Variants in ASTN1 observed in about 807,000 individuals in gnomAD.
ASTN1 encodes the protein astrotactin 1.
ASTN1 carries 41 observed loss-of-function variants against 140.7 expected under a neutral mutation model. The observed-to-expected ratio is 0.29, with a 90% CI of 0.23 to 0.38. The LOEUF (loss-of-function observed/expected upper bound fraction) is 0.38, where lower values mean the gene tolerates loss of function less well. ASTN1 is among the 10% of genes least tolerant of loss of function. The pLI is 1.00. For synonymous variants in ASTN1, 640 were observed against 652.2 expected, an observed-to-expected ratio of 0.98 and a Z score of 0.29; for missense variants, 1,479 against 1,678.8, an observed-to-expected ratio of 0.88 and a Z score of 2.08.
At chr1:177,036,224 A>G (rs1676713636) in intron 2 of ASTN1, among the ~76,000 whole-genome samples, 2 of 151,268 alleles carry the variant, frequency 1.3e-5, no homozygotes, top group African/African-American at 2.4e-5. Flanking sequence ...CTAATTTTGT[A>G]TTTTTAGTAG....
Position 176,864,490 on chromosome 1 carries a change from C to A in ASTN1, c.3679G>T (p.Asp1227Tyr), listed in dbSNP as rs1668068290. 1 of 1,613,966 alleles carries A rather than the reference C, an allele frequency of 6.2e-7. No homozygotes were observed. The highest frequency in any genetic ancestry group is 1.3e-5 in the African/African-American group (1 of 74,894). Residue 1227 changes from aspartate to tyrosine, a missense_variant, in exon 23 of 23, where the codon GAC becomes TAC. Transcript: ENST00000361833. ...KAGLILSQLG[D>Y]LSSWCNGLLQ... ...AGTCCATTGCACCAACTGCTGAGGTCCCCAAGCTGGGAAAGGATGAGACCA... is the reference window on the plus strand; with the variant it reads ...AGTCCATTGCACCAACTGCTGAGGTACCCAAGCTGGGAAAGGATGAGACCA...
At chr1:176,875,791 T>C (rs1388617647) in intron 21 of ASTN1, among the ~76,000 whole-genome samples, 1 of 152,174 alleles carries the variant, frequency 6.6e-6, no homozygotes, top group Non-Finnish European at 1.5e-5. Flanking sequence ...ACTACCACAT[T>C]AGTGGTTGAT....
chr1:176,950,704 C>T (rs765648136), intron 11 of ASTN1, among the ~76,000 whole-genome samples: 1 of 152,020 alleles, frequency 6.6e-6, no homozygotes, highest in Non-Finnish European at 1.5e-5. Context: ...ATAACTTGCA[C>T]AAGGTCAAGC....
chr1:177,136,496 G>A (rs1352128281), intron 1 of ASTN1, among the ~76,000 whole-genome samples: 1 of 151,918 alleles, frequency 6.6e-6, no homozygotes, highest in Non-Finnish European at 1.5e-5. Flanking sequence ...GGGAGTACAG[G>A]TGCACCCCAC....
rs1682900349 is a variant in ASTN1 at position 177,149,378 on chromosome 1, T to C, written c.283+15016A>G. Among the ~76,000 whole-genome samples, 3 of 76,922 alleles carry C rather than the reference T, an allele frequency of 3.9e-5. No homozygotes were observed. In the South Asian group the frequency reaches 1.2e-3, roughly 31 times the overall value. The allele number at this position is 76,922 out of a possible 152,430, so 50.5% of individuals were successfully genotyped here. A position where few individuals can be genotyped will look rare whatever the true frequency, so the allele number is the denominator to read the frequency against. The stretch of plus-strand genomic sequence containing the variant: ...ATAGTAAATATATATATAGTATATA[T>C]AGTAAATATATATAGTATATATATA... On this transcript the variant is annotated intron_variant, in intron 1 of 22. Transcript: ENST00000361833.
At chr1:177,153,819 G>A (rs1204183463) in intron 1 of ASTN1, among the ~76,000 whole-genome samples, 3 of 152,066 alleles carry the variant, frequency 2.0e-5, no homozygotes, top group Non-Finnish European at 2.9e-5. Context: ...CAGTCAAAGA[G>A]ATAACCTCCC....
Position 176,861,232 on chromosome 1 carries a change from T to C in ASTN1, c.*3052A>G, listed in dbSNP as rs1198523010. ...TTTTCTTCATACTCAGTTTTTTTAA[T>C]AGAACATTTGAATATCAAGAAGTGT... On this transcript the variant is annotated 3_prime_UTR_variant, in exon 23 of 23. Coordinates refer to ENST00000361833, the MANE Select transcript of ASTN1 (RefSeq NM_004319.3). 40 of 982,054 alleles carry C rather than the reference T, an allele frequency of 4.1e-5. No homozygotes were observed. Among genetic ancestry groups the C allele is most frequent in the Non-Finnish European group, 3.8e-5 (31 of 826,626 alleles). The allele number at this position is 982,054 out of a possible 1,614,324, so 60.8% of individuals were successfully genotyped here.
At chr1:177,031,254 T>C (rs556424476) in intron 3 of ASTN1, among the ~76,000 whole-genome samples, 1 of 152,332 alleles carries the variant, frequency 6.6e-6, no homozygotes, top group South Asian at 2.1e-4. Context: ...TTTGGCTAAA[T>C]ACAGACTGCA....
chr1:176,926,922 T>A (rs1031951315), intron 16 of ASTN1, among the ~76,000 whole-genome samples: 6 of 152,218 alleles, frequency 3.9e-5, no homozygotes, highest in Non-Finnish European at 8.8e-5. Flanking sequence ...AGAAGGCTGA[T>A]TGCTGATTCA....
intron 1 of ASTN1, among the ~76,000 whole-genome samples, chr1:177,162,347 T>C (rs558552660): frequency 1.3e-5 from 2 of 152,174 alleles, no homozygotes; most frequent in Non-Finnish European, 2.9e-5. Flanking sequence ...CCCCACTGAC[T>C]GGGAGAGTGG....
intron 14 of ASTN1, among the ~76,000 whole-genome samples, chr1:176,941,653 C>A (rs952055298): frequency 6.6e-6 from 1 of 152,170 alleles, no homozygotes; most frequent in Non-Finnish European, 1.5e-5. Flanking sequence ...TTTATCCACC[C>A]TCTCCTCCCC....
chr1:176,893,465 G>A (rs1272155730), intron 17 of ASTN1, among the ~76,000 whole-genome samples: 2 of 152,108 alleles, frequency 1.3e-5, no homozygotes, highest in Admixed American at 1.3e-4. Context: ...TGTAGGCCAC[G>A]AGAACAATTT....
At chr1:177,075,884 C>A (rs933389157) in intron 1 of ASTN1, among the ~76,000 whole-genome samples, 1 of 151,956 alleles carries the variant, frequency 6.6e-6, no homozygotes, top group African/African-American at 2.4e-5. Flanking sequence ...TCAAGTGATC[C>A]TCCTGCCTCA....
chr1:177,086,853 A>G (rs1176793762), intron 1 of ASTN1, among the ~76,000 whole-genome samples: 1 of 152,166 alleles, frequency 6.6e-6, no homozygotes, highest in African/African-American at 2.4e-5. Flanking sequence ...TGAAGAGGAA[A>G]TAATAGTTTT....
At chr1:176,920,939 A>ACAGCAATATGTCAACAATAAAG (rs1265127470) in intron 16 of ASTN1, among the ~76,000 whole-genome samples, 10 of 152,224 alleles carry the variant, frequency 6.6e-5, no homozygotes, top group Admixed American at 6.5e-4. Flanking sequence ...GACTCTGCAG[A>ACAGCAATATGTCAACAATAAAG]CAGCAATATG....
chr1:176,888,277 T>C, intron 17 of ASTN1, 73 bp from the exon 18 acceptor site: 2 of 1,560,260 alleles, frequency 1.3e-6, no homozygotes, highest in Non-Finnish European at 1.8e-6. Context: ...AGAGGCAGAG[T>C]GTCAAGGATC....
chr1:177,010,919 T>G (rs914175275), intron 8 of ASTN1, among the ~76,000 whole-genome samples: 1 of 152,316 alleles, frequency 6.6e-6, no homozygotes, highest in African/African-American at 2.4e-5. Flanking sequence ...ATCATTTAAA[T>G]TTAATATGAA....
Position 176,943,928 on chromosome 1 carries a change from C to T in ASTN1, c.2340G>A (p.Glu780=). 1.9e-6 allele frequency: 3 copies of T among 1,612,538 alleles called. No homozygotes were observed. Among genetic ancestry groups the T allele is most frequent in the African/African-American group, 1.3e-5 (1 of 75,002 alleles). The change falls in exon 14 of 23, where the codon GAG becomes GAA. Residue 780 remains glutamate, a synonymous_variant. Coordinates refer to ENST00000361833, the MANE Select transcript of ASTN1 (RefSeq NM_004319.3). ...CAGGGTCAGGGGTGGGCTCCGAGAT[C>T]TCCTCTAGGCATTGATTCTCCAGGG... ...TVPLENQCLE[E]ISEPTPDPDF...
At chr1:176,920,677 T>C (rs6682133) in intron 16 of ASTN1, among the ~76,000 whole-genome samples, 20,451 of 152,236 alleles carry the variant, frequency 0.13, 1,476 homozygotes, top group Middle Eastern at 0.2. Context: ...TGGGTTCCGC[T>C]GAGGGCTCAG....
Sources: gnomAD v4.1 joint callset for allele counts (sites outside exome capture counted in the v4.1 genomes callset) on GRCh38, gnomAD v4.1.1 for gene constraint, MANE v1.5 for transcripts, NCBI Gene and HGNC (gene_info 2026-07-23, HGNC 2026-07-21) for gene names.